The following GALNT3 variants were observed in gnomAD, a reference collection of about 807,000 sequenced individuals.
GALNT3 encodes the protein GalNAc transferase 3.
GALNT3 carries 51 observed loss-of-function variants against 69.8 expected under a neutral mutation model. The observed-to-expected ratio is 0.73, with a 90% CI of 0.58 to 0.92. The LOEUF (loss-of-function observed/expected upper bound fraction) is 0.92. GALNT3 is among the 40% of genes least tolerant of loss of function. The pLI is 0.00. For synonymous variants in GALNT3, 265 were observed against 248.5 expected (o/e 1.07, Z -0.63); for missense variants, 711 against 760.0 (o/e 0.94, Z 0.76).
chr2:165,784,414 G>C (rs528227817), intron 1 of GALNT3, among the ~76,000 whole-genome samples: 1 of 152,322 alleles, frequency 6.6e-6, no homozygotes, highest in East Asian at 1.9e-4. Flanking sequence ...GTCCAGGCAA[G>C]AGATAAATAT....
chr2:165,773,409 C>A (rs993978623), intron 1 of GALNT3, among the ~76,000 whole-genome samples: 2 of 152,182 alleles, frequency 1.3e-5, no homozygotes, highest in Non-Finnish European at 2.9e-5. Flanking sequence ...GTCCATTAAA[C>A]CTCTTTTTCT....
intron 1 of GALNT3, among the ~76,000 whole-genome samples, chr2:165,786,307 G>A (rs915160908): frequency 6.6e-6 from 1 of 152,070 alleles, no homozygotes; most frequent in African/African-American, 2.4e-5. Flanking sequence ...AGAAAGGAGG[G>A]GCAGAGTTGA....
chr2:165,773,404 T>A (rs1359113422), intron 1 of GALNT3, among the ~76,000 whole-genome samples: 1 of 152,204 alleles, frequency 6.6e-6, no homozygotes, highest in East Asian at 1.9e-4. Flanking sequence ...TGTGAGTCCA[T>A]TAAACCTCTT....
At chr2:165,772,075 G>GT (rs1316982443) in intron 1 of GALNT3, among the ~76,000 whole-genome samples, 1 of 152,040 alleles carries the variant, frequency 6.6e-6, no homozygotes, top group Non-Finnish European at 1.5e-5. Context: ...AGAACTTCAG[G>GT]TAAAAAATGA....
chr2:165,754,856 A>G, intron 8 of GALNT3, 76 bp downstream of exon 8: 1 of 1,514,882 alleles, frequency 6.6e-7, no homozygotes. Context: ...AAAGTATTTC[A>G]GCAATTTTCT....
intron 9 of GALNT3, among the ~76,000 whole-genome samples, chr2:165,754,288 C>T (rs1688405043): frequency 6.6e-6 from 1 of 151,450 alleles, no homozygotes; most frequent in Non-Finnish European, 1.5e-5. Context: ...TGAGGTTTCA[C>T]CATATTCGCC....
chr2:165,765,078 G>C, intron 2 of GALNT3, 22 bp from the exon 3 acceptor site: 1 of 1,602,002 alleles, frequency 6.2e-7, no homozygotes, highest in Non-Finnish European at 8.6e-7. Context: ...CAGAGAAGTA[G>C]AAAAACAATT....
At chr2:165,761,843 C>T (rs1474867390) in intron 4 of GALNT3, 62 bp downstream of exon 4, 1 of 1,566,660 alleles carries the variant, frequency 6.4e-7, no homozygotes, top group Non-Finnish European at 8.8e-7. Flanking sequence ...ACTTCCTTAC[C>T]TTTTAAATTA....
At chr2:165,749,685 TAAGC>T (rs986001440) in intron 10 of GALNT3, 53 bp downstream of exon 10, 7 of 1,437,068 alleles carry the variant, frequency 4.9e-6, no homozygotes, top group Non-Finnish European at 6.9e-6. Context: ...TTTTCCCAGA[TAAGC>T]AAGTAGAGCT....
At chr2:165,776,734 T>C (rs1164166008) in intron 1 of GALNT3, among the ~76,000 whole-genome samples, 1 of 152,176 alleles carries the variant, frequency 6.6e-6, no homozygotes, top group Non-Finnish European at 1.5e-5. Context: ...ATACACAATT[T>C]TAACTGGTTG....
chr2:165,754,562 T>C (rs1688411288), intron 9 of GALNT3, 65 bp downstream of exon 9: 6 of 1,171,318 alleles, frequency 5.1e-6, no homozygotes, highest in Non-Finnish European at 7.7e-6. Context: ...TTCTGAAAAA[T>C]AGGCAACATC....
chr2:165,784,032 T>C (rs904098072), intron 1 of GALNT3, among the ~76,000 whole-genome samples: 1 of 152,180 alleles, frequency 6.6e-6, no homozygotes, highest in African/African-American at 2.4e-5. Context: ...AAAAGCTCCT[T>C]TAATGTAAAA....
intron 10 of GALNT3, 131 bp downstream of exon 10, chr2:165,749,611 A>G (rs1688320047): frequency 1.2e-6 from 1 of 856,248 alleles, no homozygotes; most frequent in South Asian, 1.4e-5. Flanking sequence ...GAAACACATA[A>G]TAACAAAGTT....
intron 3 of GALNT3, among the ~76,000 whole-genome samples, chr2:165,762,294 C>A (rs1239866076): frequency 1.1e-3 from 166 of 152,262 alleles, no homozygotes; most frequent in Admixed American, 3.5e-3. Context: ...CTGTACACTT[C>A]CTATCAATAA....
chr2:165,751,996 C>T (rs1201086108), intron 9 of GALNT3, among the ~76,000 whole-genome samples: 1 of 152,172 alleles, frequency 6.6e-6, no homozygotes, highest in Admixed American at 6.6e-5. Flanking sequence ...TTAGTATATA[C>T]ACCAGATAAT....
At chr2:165,792,831 AT>A in intron 1 of GALNT3, among the ~76,000 whole-genome samples, 1 of 152,322 alleles carries the variant, frequency 6.6e-6, no homozygotes, top group East Asian at 1.9e-4. Flanking sequence ...AACCTCATGG[AT>A]TTTAGCCACA....
chr2:165,770,497 T>G lies in GALNT3; in HGVS notation c.204A>C (p.Glu68Asp). 1 of 1,614,234 alleles carries G rather than the reference T, an allele frequency of 6.2e-7. No individual in the cohort carries two copies. The highest frequency in any genetic ancestry group is 8.5e-7 in the Non-Finnish European group (1 of 1,180,036). The change falls in exon 2 of 11, where the codon GAA becomes GAC. Residue 68 changes from glutamate (E) to aspartate (D), a missense_variant. Coordinates refer to ENST00000392701, the MANE Select transcript of GALNT3 (RefSeq NM_004482.4). ...TGGCATCCTTAATATTGTTTACAGC[T>G]TCTAGCATTAAATCCAACATCTTGT... ...NKNKMLDLML[E>D]AVNNIKDAMP...
At chr2:165,790,462 T>A (rs878859204) in intron 1 of GALNT3, among the ~76,000 whole-genome samples, 2 of 152,220 alleles carry the variant, frequency 1.3e-5, no homozygotes, top group Admixed American at 1.3e-4. Context: ...ACTAAATGCA[T>A]AATTGAACAG....
chr2:165,793,257 G>A (rs1177870387), intron 1 of GALNT3, among the ~76,000 whole-genome samples: 2 of 152,238 alleles, frequency 1.3e-5, no homozygotes, highest in Admixed American at 1.3e-4. Flanking sequence ...AACCATAGCC[G>A]CGATATGCAG....
Sources: allele counts gnomAD v4.1 joint callset (sites outside exome capture counted in the v4.1 genomes callset), GRCh38; gene constraint gnomAD v4.1.1; transcripts MANE v1.5; gene names NCBI Gene and HGNC (gene_info 2026-07-23, HGNC 2026-07-21).